Variants in DTNB observed in about 807,000 individuals in gnomAD.
DTNB encodes DTN-B.
Under a neutral mutation model 90.7 loss-of-function variants are expected in DTNB, and 63 were observed. That is an observed-to-expected ratio of 0.69 (90% CI 0.57 to 0.86). DTNB has a LOEUF of 0.86. DTNB is among the 40% of genes least tolerant of loss of function. The pLI is 0.00. For missense variants in DTNB, 744 were observed against 807.1 expected (o/e 0.92, Z 0.95); for synonymous variants, 277 against 286.7 (o/e 0.97, Z 0.34).
intron 10 of DTNB, among the ~76,000 whole-genome samples, chr2:25,475,845 G>T (rs188125979): frequency 6.6e-6 from 1 of 152,272 alleles, no homozygotes; most frequent in East Asian, 1.9e-4. Context: ...ATAAAGCCCG[G>T]ATGACAGCAC....
chr2:25,387,251 G>T lies in DTNB; in HGVS notation c.1825+38C>A. 1 of 1,591,346 alleles carries T rather than the reference G, an allele frequency of 6.3e-7. No individual in the cohort carries two copies. The highest frequency in any genetic ancestry group is 8.6e-7 in the Non-Finnish European group (1 of 1,163,950). ...AGTGAGAAGGGCGCGGGCAAGGCAGGGGAGGCCAGGAAGCTGGCTGGGAGC... is the reference window on the plus strand; with the variant it reads ...AGTGAGAAGGGCGCGGGCAAGGCAGTGGAGGCCAGGAAGCTGGCTGGGAGC... On this transcript the variant is annotated intron_variant, in intron 18 of 20. Transcript: ENST00000406818. This position sits in a 1 kb window ranked among gnomAD's most constrained non-coding sequence, Gnocchi z 4.5.
At position 25,379,387 on chromosome 2, in the gene DTNB, T is replaced by C. The variant is rs927876383; in HGVS notation, c.1880-64A>G. ...GGCCAGGTCTTCTCATGCCCCAGACTATCTCAAAGGGGCTTCCCTGACCAA... is the reference window on the plus strand; with the variant it reads ...GGCCAGGTCTTCTCATGCCCCAGACCATCTCAAAGGGGCTTCCCTGACCAA... On this transcript the variant is annotated intron_variant, in intron 19 of 20. Coordinates refer to ENST00000406818, the MANE Select transcript of DTNB (RefSeq NM_021907.5). 3 of 1,297,200 alleles carry C rather than the reference T, an allele frequency of 2.3e-6. No individual in the cohort carries two copies. The African/African-American group carries it at 4.5e-5, about 20-fold the overall frequency. The allele number at this position is 1,297,200 out of a possible 1,614,324, so 80.4% of individuals were successfully genotyped here.
At chr2:25,439,478 A>C (rs1388355650) in intron 12 of DTNB, among the ~76,000 whole-genome samples, 2 of 152,164 alleles carry the variant, frequency 1.3e-5, no homozygotes, top group Non-Finnish European at 2.9e-5. Context: ...CTCCAGTCTG[A>C]GTGACAGAGT....
At chr2:25,428,681 C>G (rs555358827) in intron 14 of DTNB, among the ~76,000 whole-genome samples, 2 of 152,266 alleles carry the variant, frequency 1.3e-5, no homozygotes, top group African/African-American at 4.8e-5. Context: ...GATCCACCTG[C>G]CTCAGCCTCC....
chr2:25,566,732 A>G (rs1365547786), intron 8 of DTNB, among the ~76,000 whole-genome samples: 2 of 152,192 alleles, frequency 1.3e-5, no homozygotes, highest in Admixed American at 1.3e-4. Context: ...AGAATAAATA[A>G]CCACCTGAAA....
chr2:25,610,878 C>CT (rs2148550094), intron 4 of DTNB, among the ~76,000 whole-genome samples: 1 of 152,142 alleles, frequency 6.6e-6, no homozygotes, highest in Non-Finnish European at 1.5e-5. Context: ...CCCAGATAAT[C>CT]TTTTTATTTT....
intron 16 of DTNB, among the ~76,000 whole-genome samples, chr2:25,402,738 G>A (rs141821126): frequency 1.3e-5 from 2 of 152,266 alleles, no homozygotes; most frequent in African/African-American, 2.4e-5. Context: ...GGCAAGCTGC[G>A]GTAAGACAGG....
intron 4 of DTNB, among the ~76,000 whole-genome samples, chr2:25,625,209 AAAAT>A (rs770423413): frequency 6.6e-6 from 1 of 152,242 alleles, no homozygotes; most frequent in Non-Finnish European, 1.5e-5. Context: ...AGCCTCAATT[AAAAT>A]AAATAACTAG....
chr2:25,466,810 T>C (rs2061869078), intron 10 of DTNB, among the ~76,000 whole-genome samples: 1 of 152,216 alleles, frequency 6.6e-6, no homozygotes, highest in Admixed American at 6.5e-5. Flanking sequence ...GTTGTTATAA[T>C]GGATTTTAAG....
chr2:25,442,938 G>A (rs903915420), intron 12 of DTNB, among the ~76,000 whole-genome samples: 2 of 152,192 alleles, frequency 1.3e-5, no homozygotes, highest in African/African-American at 4.8e-5. Flanking sequence ...GATGGCTCTC[G>A]AAATGGTAGC....
At chr2:25,413,862 TC>T (rs2047220603) in intron 16 of DTNB, among the ~76,000 whole-genome samples, 2 of 152,248 alleles carry the variant, frequency 1.3e-5, no homozygotes, top group Non-Finnish European at 2.9e-5. Context: ...CACACCGTCT[TC>T]CACAATGGTT....
intron 16 of DTNB, among the ~76,000 whole-genome samples, chr2:25,393,623 CCT>C (rs936440257): frequency 2.0e-5 from 3 of 151,908 alleles, no homozygotes; most frequent in African/African-American, 7.3e-5. Flanking sequence ...GAACTCAACC[CCT>C]TTCAGAATAC....
At chr2:25,497,771 T>G (rs774765291) in intron 9 of DTNB, 1 of 152,254 alleles carries the variant, frequency 6.6e-6, no homozygotes, top group Non-Finnish European at 1.5e-5. Flanking sequence ...ATTTATTTCA[T>G]GTAGTCAATA....
At chr2:25,477,984 C>T in intron 10 of DTNB, among the ~76,000 whole-genome samples, 1 of 148,690 alleles carries the variant, frequency 6.7e-6, no homozygotes. Flanking sequence ...TATTGTTTCT[C>T]TTCTTTTTCT....
chr2:25,461,752 G>A (rs920518262), intron 10 of DTNB, among the ~76,000 whole-genome samples: 1 of 152,166 alleles, frequency 6.6e-6, no homozygotes, highest in African/African-American at 2.4e-5. Context: ...ACTCCAGTAG[G>A]AAAAGAAATG....
chr2:25,389,737 G>C (rs2040538642), intron 16 of DTNB, among the ~76,000 whole-genome samples: 1 of 152,110 alleles, frequency 6.6e-6, no homozygotes, highest in African/African-American at 2.4e-5. Flanking sequence ...AATTGGCCCT[G>C]AACAGGTGGA....
chr2:25,427,432 C>T lies in DTNB; in HGVS notation c.1554+103G>A, dbSNP rs902152378. The T allele has an allele frequency of 6.0e-5, 68 of 1,127,680 alleles. 1 individual carries two copies. Among genetic ancestry groups the T allele is most frequent in the Non-Finnish European group, 8.5e-5 (68 of 804,026 alleles). 69.9% of individuals were successfully genotyped at this position (1,127,680 alleles called of 1,614,324 possible). A position where few individuals can be genotyped will look rare whatever the true frequency, so the allele number is the denominator to read the frequency against. On this transcript the variant is annotated intron_variant, in intron 15 of 20. Coordinates refer to ENST00000406818, the MANE Select transcript of DTNB (RefSeq NM_021907.5). ...CTGAAAACTGATTCTAGGCTAAAGT[C>T]AAGCCTTTGGCCTCATCCTATTCTG...
chr2:25,446,223 T>C lies in DTNB; in HGVS notation c.1257+5325A>G, dbSNP rs144250246. On this transcript the variant is annotated intron_variant, in intron 12 of 20. Coordinates refer to ENST00000406818, the MANE Select transcript of DTNB (RefSeq NM_021907.5). Reference sequence around the variant, plus strand: ...GGTTTTTTCACAAACACTGGTAACATTGGATGTAATCGACTGTTTTATTTA... The same window carrying C: ...GGTTTTTTCACAAACACTGGTAACACTGGATGTAATCGACTGTTTTATTTA... 3.3e-5 allele frequency among the ~76,000 whole-genome samples: 5 copies of C among 152,228 alleles called. No homozygotes were observed. In the East Asian group the frequency reaches 9.7e-4, roughly 29 times the overall value.
chr2:25,615,547 C>G (rs1358694509), intron 4 of DTNB, among the ~76,000 whole-genome samples: 1 of 152,168 alleles, frequency 6.6e-6, no homozygotes, highest in African/African-American at 2.4e-5. Flanking sequence ...GTGTAAAGAA[C>G]TGCGGTCAAA....
Sources: allele counts gnomAD v4.1 joint callset (sites outside exome capture counted in the v4.1 genomes callset), GRCh38; gene constraint gnomAD v4.1.1; non-coding constraint Gnocchi (gnomAD v3.1); transcripts MANE v1.5; gene names NCBI Gene and HGNC (gene_info 2026-07-23, HGNC 2026-07-21).